Variants in ZNF277 observed in about 807,000 individuals in gnomAD.
ZNF277 encodes the protein nuclear receptor-interacting factor 4.
Under a neutral mutation model 60.7 loss-of-function variants are expected in ZNF277, and 55 were observed. That is an observed-to-expected ratio of 0.91 (90% CI 0.73 to 1.13). ZNF277 has a LOEUF of 1.13. ZNF277 is among the 50% of genes most tolerant of loss of function. The pLI is 0.00. For missense variants in ZNF277, 510 were observed against 523.0 expected, an observed-to-expected ratio of 0.98 and a Z score of 0.24; for synonymous variants, 178 against 179.3, an observed-to-expected ratio of 0.99 and a Z score of 0.06.
intron 5 of ZNF277, among the ~76,000 whole-genome samples, chr7:112,326,722 A>C (rs1048575383): frequency 6.6e-6 from 1 of 152,088 alleles, no homozygotes; most frequent in African/African-American, 2.4e-5. Flanking sequence ...GGGAAAAAAA[A>C]CACTGAAAAC....
intron 1 of ZNF277, among the ~76,000 whole-genome samples, chr7:112,234,781 C>T (rs1215007693): frequency 6.6e-6 from 1 of 151,696 alleles, no homozygotes; most frequent in East Asian, 1.9e-4. Context: ...ATTTATTTTA[C>T]ATAGTATATA....
chr7:112,215,033 T>G, intron 1 of ZNF277, among the ~76,000 whole-genome samples: 1 of 152,160 alleles, frequency 6.6e-6, no homozygotes. Context: ...CTATGAATCT[T>G]GAGGCACTAT....
chr7:112,308,352 T>TA (rs1018293335), intron 4 of ZNF277, among the ~76,000 whole-genome samples: 9 of 151,342 alleles, frequency 5.9e-5, no homozygotes, highest in South Asian at 4.2e-4. Flanking sequence ...CCTTCTCTAC[T>TA]AAAAAAAATA....
chr7:112,311,218 C>T (rs957178240), intron 4 of ZNF277, among the ~76,000 whole-genome samples: 1 of 151,936 alleles, frequency 6.6e-6, no homozygotes, highest in Non-Finnish European at 1.5e-5. Context: ...TTAATTTTTT[C>T]TCTGCTTTTA....
At chr7:112,297,648 GTT>G (rs1792385571) in intron 4 of ZNF277, among the ~76,000 whole-genome samples, 1 of 152,154 alleles carries the variant, frequency 6.6e-6, no homozygotes, top group African/African-American at 2.4e-5. Flanking sequence ...GACTTCCTGA[GTT>G]TCTCTTCTCT....
intron 1 of ZNF277, among the ~76,000 whole-genome samples, chr7:112,270,395 A>G (rs1228178028): frequency 2.0e-5 from 3 of 152,116 alleles, no homozygotes; most frequent in African/African-American, 4.8e-5. Context: ...CCTATTTGCT[A>G]TAAGGAAGGA....
At chr7:112,267,558 A>G (rs1378893189) in intron 1 of ZNF277, among the ~76,000 whole-genome samples, 2 of 152,232 alleles carry the variant, frequency 1.3e-5, no homozygotes, top group African/African-American at 2.4e-5. Flanking sequence ...AGAAAGGACA[A>G]TGCACAACCC....
chr7:112,339,366 T>C (rs369569341), intron 9 of ZNF277, among the ~76,000 whole-genome samples: 25 of 152,352 alleles, frequency 1.6e-4, no homozygotes, highest in African/African-American at 5.5e-4. Flanking sequence ...TCACCCAGGC[T>C]GGAGTGCAGT....
At chr7:112,284,925 C>T (rs1363579124) in intron 1 of ZNF277, among the ~76,000 whole-genome samples, 1 of 152,182 alleles carries the variant, frequency 6.6e-6, no homozygotes, top group East Asian at 1.9e-4. Flanking sequence ...AGCACTTTAA[C>T]CTTGGTAGCA....
At chr7:112,339,923 A>AT (rs767172466) in intron 10 of ZNF277, 38 bp downstream of exon 10, 2 of 1,592,176 alleles carry the variant, frequency 1.3e-6, no homozygotes, top group Non-Finnish European at 1.7e-6. Flanking sequence ...GTGATGCTTC[A>AT]TTTTTTATAA....
chr7:112,237,657 T>C (rs191800842), intron 1 of ZNF277, among the ~76,000 whole-genome samples: 25 of 151,714 alleles, frequency 1.6e-4, no homozygotes, highest in East Asian at 5.8e-4. Flanking sequence ...CAGGAAGAAA[T>C]AGAAATCCAG....
At chr7:112,272,425 G>A (rs1051208963) in intron 1 of ZNF277, among the ~76,000 whole-genome samples, 13 of 152,180 alleles carry the variant, frequency 8.5e-5, no homozygotes, top group African/African-American at 2.9e-4. Flanking sequence ...TTTATTTGGG[G>A]TATATACTTA....
intron 1 of ZNF277, among the ~76,000 whole-genome samples, chr7:112,253,438 A>G (rs555090585): frequency 2.0e-5 from 3 of 152,034 alleles, no homozygotes; most frequent in African/African-American, 7.2e-5. Flanking sequence ...TTGCTACCCA[A>G]CCTGTTGAAA....
At chr7:112,328,977 C>T (rs528855162) in intron 6 of ZNF277, among the ~76,000 whole-genome samples, 6 of 152,270 alleles carry the variant, frequency 3.9e-5, no homozygotes, top group African/African-American at 1.2e-4. Flanking sequence ...CGAGTCCCTT[C>T]ACCCTTTTGT....
intron 1 of ZNF277, among the ~76,000 whole-genome samples, chr7:112,247,404 C>T (rs1206602661): frequency 6.6e-6 from 1 of 152,088 alleles, no homozygotes; most frequent in Non-Finnish European, 1.5e-5. Flanking sequence ...AGCAGATTGA[C>T]ATGAGCAAAT....
At chr7:112,302,187 C>T (rs1465983539) in intron 4 of ZNF277, among the ~76,000 whole-genome samples, 2 of 151,974 alleles carry the variant, frequency 1.3e-5, no homozygotes, top group East Asian at 1.9e-4. Context: ...AAAGTTTTAA[C>T]GTATATAACA....
chr7:112,322,325 A>T (rs1163482695), intron 5 of ZNF277, among the ~76,000 whole-genome samples: 2 of 151,726 alleles, frequency 1.3e-5, no homozygotes, highest in African/African-American at 2.4e-5. Context: ...ATGTTGGTAA[A>T]CTTGATCTCT....
intron 1 of ZNF277, among the ~76,000 whole-genome samples, chr7:112,263,520 G>A (rs1189292665): frequency 1.3e-5 from 2 of 152,106 alleles, no homozygotes; most frequent in Non-Finnish European, 2.9e-5. Flanking sequence ...TTCTTTATCA[G>A]TCTGACCTTA....
chr7:112,332,395 G>T (rs1405563572), intron 7 of ZNF277, among the ~76,000 whole-genome samples: 2 of 152,098 alleles, frequency 1.3e-5, no homozygotes, highest in African/African-American at 4.8e-5. Flanking sequence ...AGGTCACATG[G>T]CTAGGGCAAG....
Sources: allele counts gnomAD v4.1 joint callset (sites outside exome capture counted in the v4.1 genomes callset), GRCh38; gene constraint gnomAD v4.1.1; transcripts MANE v1.5; gene names NCBI Gene and HGNC (gene_info 2026-07-23, HGNC 2026-07-21).